NIBAN3: variants seen among roughly 807,000 people sequenced by gnomAD.
NIBAN3 encodes the protein niban apoptosis regulator 3, also known as protein Niban 3.
A neutral mutation model predicts 76.4 loss-of-function variants in NIBAN3; 66 were observed. The ratio of observed to expected loss-of-function variants is 0.86; its 90% CI spans 0.71 to 1.06. The LOEUF (loss-of-function observed/expected upper bound fraction) is 1.06, where lower values mean the gene tolerates loss of function less well. Ranked by LOEUF, NIBAN3 falls within the 50% of genes least tolerant of loss-of-function variation. The pLI, the probability that NIBAN3 is intolerant of heterozygous loss-of-function variation, is 0.00. For missense variants in NIBAN3, 808 were observed against 810.7 expected (o/e 1.00, Z 0.04); for synonymous variants, 360 against 355.2 (o/e 1.01, Z -0.15).
At chr19:17,534,397 C>G (rs370606711) in intron 4 of NIBAN3, among the ~76,000 whole-genome samples, 4 of 152,098 alleles carry the variant, frequency 2.6e-5, no homozygotes, top group African/African-American at 9.7e-5. Flanking sequence ...GCCTGTAATC[C>G]GAGCACTTTG....
Position 17,539,147 on chromosome 19 carries a change from C to G in NIBAN3, c.596-3C>G, listed in dbSNP as rs1234959451. The G allele has an allele frequency of 6.3e-7, 1 of 1,578,760 alleles. No homozygotes were observed. The highest frequency in any genetic ancestry group is 1.8e-5 in the Admixed American group (1 of 55,202). On this transcript the variant is annotated splice_region_variant and splice_polypyrimidine_tract_variant and intron_variant, in intron 5 of 14. Transcript: ENST00000599164. ...GCAGGCACTGAGGAGCAGCCCCTCT[C>G]AGTCCTGCAGCGAAGCCAGGCCCCT...
intron 4 of NIBAN3, among the ~76,000 whole-genome samples, chr19:17,534,953 T>G (rs1246418527): frequency 1.3e-5 from 2 of 152,038 alleles, no homozygotes; most frequent in Non-Finnish European, 2.9e-5. Flanking sequence ...ATAAGGACAT[T>G]GAGGCTGAGG....
intron 4 of NIBAN3, among the ~76,000 whole-genome samples, chr19:17,534,963 G>A (rs2075799928): frequency 6.6e-6 from 1 of 152,140 alleles, no homozygotes; most frequent in Non-Finnish European, 1.5e-5. Flanking sequence ...TGAGGCTGAG[G>A]ATTGTCACAC....
intron 4 of NIBAN3, among the ~76,000 whole-genome samples, chr19:17,536,362 G>A (rs912917870): frequency 1.3e-5 from 2 of 151,990 alleles, no homozygotes; most frequent in African/African-American, 2.4e-5. Context: ...TGTAAATTTT[G>A]TGTTTTAGTA....
intron 5 of NIBAN3, 60 bp from the exon 6 acceptor site, chr19:17,539,090 G>A: frequency 1.4e-6 from 2 of 1,441,064 alleles, no homozygotes; most frequent in African/African-American, 1.4e-5. Flanking sequence ...CTTCCTCCCC[G>A]GGCCATCGGG....
chr19:17,547,965 A>G (rs777522581), intron 13 of NIBAN3, among the ~76,000 whole-genome samples: 78 of 152,322 alleles, frequency 5.1e-4, no homozygotes, highest in Admixed American at 4.8e-3. Flanking sequence ...TCGTCTTAAA[A>G]CAAACAAAAC....
In NIBAN3 at chr19:17,539,456, G is replaced by A. The variant is rs974251837; in HGVS notation, c.816+5G>A. 20 of 1,468,754 alleles carry A rather than the reference G, an allele frequency of 1.4e-5. No individual in the cohort carries two copies. In the African/African-American group the frequency reaches 2.3e-4, roughly 17 times the overall value. 91.0% of individuals were successfully genotyped at this position (1,468,754 alleles called of 1,614,324 possible). ...CGCGCCTGGGCCTGGACCGAGGTAT[G>A]CACGGCGTCCGGATCCGGGATAGGG... On this transcript the variant is annotated splice_donor_5th_base_variant and intron_variant, in intron 7 of 14. Coordinates refer to ENST00000599164, the MANE Select transcript of NIBAN3 (RefSeq NM_001321827.2).
At chr19:17,555,444 C>T (rs543732977), downstream of NIBAN3, 5 of 204,218 alleles carry the variant, frequency 2.4e-5, no homozygotes, top group Non-Finnish European at 4.8e-5. Flanking sequence ...GGGTTCCTAA[C>T]CCTAACGCTA....
At position 17,532,358 on chromosome 19, in the gene NIBAN3, C is replaced by G. The variant is rs143668756; in HGVS notation, c.282C>G (p.Asp94Glu). Residue 94 changes from aspartate to glutamate, a missense_variant, in exon 3 of 15, where the codon GAC becomes GAG. Physicochemically the swap from Asp to Glu is conservative, Grantham distance 45. Transcript: ENST00000599164. ...CGATCTTCTGTGTTCTGCGTGGGGA[C>G]GGCCGCCTAGAGTGGTTCAGCCACA... ...WQPIFCVLRGDGRLEWFSHKE... is the reference protein window; with the variant it reads ...WQPIFCVLRGEGRLEWFSHKE... The G allele has an allele frequency of 1.9e-5, 31 of 1,614,154 alleles. No individual in the cohort carries two copies. In the African/African-American group the frequency reaches 3.7e-4, roughly 19 times the overall value.
upstream of NIBAN3, chr19:17,523,562 A>G: frequency 1.0e-6 from 1 of 968,564 alleles, no homozygotes; most frequent in Admixed American, 2.5e-5. Context: ...CTGCGAAGTG[A>G]AGGGAAATTG....
chr19:17,531,409 G>A (rs2075722485), intron 2 of NIBAN3, among the ~76,000 whole-genome samples: 1 of 151,740 alleles, frequency 6.6e-6, no homozygotes, highest in Non-Finnish European at 1.5e-5. Flanking sequence ...GCCACATCAT[G>A]GGCTGGGCAT....
At position 17,530,791 on chromosome 19, in the gene NIBAN3, G is replaced by A. The variant is rs774771875; in HGVS notation, c.92G>A (p.Cys31Tyr). Reference sequence around the variant, plus strand: ...ACCCTGCTGAGGAACTTCCTGCCTTGCTACCGTGGGCAGCTGGCAGCGTCT... The same window carrying A: ...ACCCTGCTGAGGAACTTCCTGCCTTACTACCGTGGGCAGCTGGCAGCGTCT... ...VDTLLRNFLPCYRGQLAASVL... is the reference protein window; with the variant it reads ...VDTLLRNFLPYYRGQLAASVL... Residue 31 changes from cysteine to tyrosine, a missense_variant, in exon 2 of 15, where the codon TGC (cysteine) becomes TAC (tyrosine). Coordinates refer to ENST00000599164, the MANE Select transcript of NIBAN3 (RefSeq NM_001321827.2). 1.2e-6 allele frequency: 2 copies of A among 1,613,008 alleles called. No individual in the cohort carries two copies. The highest frequency in any genetic ancestry group is 3.3e-5 in the Admixed American group (2 of 59,982).
At chr19:17,530,026 A>T (rs1461699594) in intron 1 of NIBAN3, among the ~76,000 whole-genome samples, 1 of 150,378 alleles carries the variant, frequency 6.6e-6, no homozygotes, top group Non-Finnish European at 1.5e-5. Flanking sequence ...GCACCACTGC[A>T]CTCCAGCCTG....
In NIBAN3 at chr19:17,537,536, G is replaced by A. The variant is rs775884673; in HGVS notation, c.588G>A (p.Gln196=). 4 of 1,594,790 alleles carry A rather than the reference G, an allele frequency of 2.5e-6. No homozygotes were observed. In the Admixed American group the frequency reaches 5.1e-5, roughly 20 times the overall value. ...RLALQGGIRL[Q]GIVLQRSQAP... is the part of the protein sequence containing the mutation. ...CCCTGCAGGGTGGCATCCGGCTTCA[G>A]GGCATAGGTGGGTCTCAGGACGGGT... is the stretch of plus-strand genomic sequence containing the variant. Residue 196 remains glutamine (Q), a synonymous_variant, in exon 5 of 15, where the codon CAG becomes CAA. Coordinates refer to ENST00000599164, the MANE Select transcript of NIBAN3 (RefSeq NM_001321827.2).
intron 9 of NIBAN3, among the ~76,000 whole-genome samples, 180 bp from the exon 10 acceptor site, chr19:17,541,956 C>A (rs2075960581): frequency 6.6e-6 from 1 of 152,064 alleles, no homozygotes; most frequent in Non-Finnish European, 1.5e-5. Context: ...ACTGATGGGA[C>A]TACAGGTGTG....
chr19:17,554,797 A>AAAT (rs71162154), downstream of NIBAN3, among the ~76,000 whole-genome samples: 24,751 of 137,952 alleles, frequency 0.18, 2,274 homozygotes, highest in Middle Eastern at 0.23. Context: ...AAAAAAAAGA[A>AAAT]AATAATAATA....
intron 10 of NIBAN3, 58 bp from the exon 11 acceptor site, chr19:17,543,259 T>G: frequency 8.3e-7 from 1 of 1,206,138 alleles, no homozygotes; most frequent in Non-Finnish European, 1.2e-6. Context: ...TGGGCAGGAG[T>G]GGGGCCCGGG....
intron 6 of NIBAN3, 31 bp downstream of exon 6, chr19:17,539,296 C>G (rs1314495096): frequency 6.4e-7 from 1 of 1,568,720 alleles, no homozygotes; most frequent in Non-Finnish European, 8.6e-7. Context: ...CACCCGGGAC[C>G]CCCAGGACCC....
rs1345416382 is a variant in NIBAN3, at chr19:17,539,144, T to A, written c.596-6T>A. The A allele has an allele frequency of 2.5e-6, 4 of 1,574,572 alleles. No individual in the cohort carries two copies. The highest frequency in any genetic ancestry group is 3.4e-6 in the Non-Finnish European group (4 of 1,160,258). ...CCAGCAGGCACTGAGGAGCAGCCCC[T>A]CTCAGTCCTGCAGCGAAGCCAGGCC... On this transcript the variant is annotated splice_region_variant and splice_polypyrimidine_tract_variant and intron_variant, in intron 5 of 14. Transcript: ENST00000599164.
Sources: allele counts gnomAD v4.1 joint callset (sites outside exome capture counted in the v4.1 genomes callset), GRCh38; gene constraint gnomAD v4.1.1; transcripts MANE v1.5; gene names NCBI Gene and HGNC (gene_info 2026-07-23, HGNC 2026-07-21).